The following MMS22L variants were observed in gnomAD, a reference collection of about 807,000 sequenced individuals.
The protein encoded by MMS22L is MMS22 like, DNA repair protein.
MMS22L carries 74 observed loss-of-function variants against 159.1 expected under a neutral mutation model. That is an observed-to-expected ratio of 0.47 (90% CI 0.39 to 0.56). MMS22L has a LOEUF of 0.56. MMS22L is among the 20% of genes least tolerant of loss of function. The pLI, the probability that MMS22L is intolerant of heterozygous loss-of-function variation, is 0.00. For synonymous variants in MMS22L, 517 were observed against 506.9 expected (o/e 1.02, Z -0.27); for missense variants, 1,351 against 1,422.1 (o/e 0.95, Z 0.80).
At chr6:97,228,345 C>G (rs1334701746) in intron 14 of MMS22L, among the ~76,000 whole-genome samples, 1 of 152,100 alleles carries the variant, frequency 6.6e-6, no homozygotes, top group Non-Finnish European at 1.5e-5. Context: ...TTTTGAAAAG[C>G]TATTGTTTGA....
At chr6:97,257,828 T>C (rs951261782) in intron 9 of MMS22L, among the ~76,000 whole-genome samples, 1 of 152,198 alleles carries the variant, frequency 6.6e-6, no homozygotes, top group African/African-American at 2.4e-5. Context: ...CCTGCCACAT[T>C]TTCTGTACTA....
chr6:97,185,061 A>G (rs1488597257), intron 15 of MMS22L, among the ~76,000 whole-genome samples: 1 of 152,016 alleles, frequency 6.6e-6, no homozygotes, highest in Non-Finnish European at 1.5e-5. Flanking sequence ...ATGGTCTCTC[A>G]TCTCCTTCAG....
intron 10 of MMS22L, among the ~76,000 whole-genome samples, chr6:97,252,456 C>A (rs1813340224): frequency 6.6e-6 from 1 of 151,814 alleles, no homozygotes; most frequent in African/African-American, 2.4e-5. Context: ...ACCAGCCTGG[C>A]CAACATGGTG....
chr6:97,282,782 G>C (rs1377317407), intron 1 of MMS22L, among the ~76,000 whole-genome samples: 2 of 152,208 alleles, frequency 1.3e-5, no homozygotes, highest in African/African-American at 4.8e-5. Flanking sequence ...CTGCAGCCCA[G>C]GACAAGGTGA....
At chr6:97,240,125 C>G (rs1038932095) in intron 11 of MMS22L, among the ~76,000 whole-genome samples, 4 of 152,182 alleles carry the variant, frequency 2.6e-5, no homozygotes, top group Non-Finnish European at 5.9e-5. Context: ...ACTGACAGTT[C>G]TATCCAAATA....
chr6:97,257,996 AT>A (rs1273281111), intron 9 of MMS22L, among the ~76,000 whole-genome samples: 1 of 152,086 alleles, frequency 6.6e-6, no homozygotes, highest in Admixed American at 6.6e-5. Context: ...TCAAATGGTG[AT>A]TTTCTAATTC....
intron 22 of MMS22L, among the ~76,000 whole-genome samples, chr6:97,159,811 C>G (rs932832947): frequency 4.0e-5 from 6 of 151,792 alleles, no homozygotes; most frequent in African/African-American, 1.5e-4. Context: ...GACTTGAGTC[C>G]TGCTGCTAAG....
chr6:97,157,310 G>A (rs888359495), intron 22 of MMS22L, among the ~76,000 whole-genome samples: 1 of 151,982 alleles, frequency 6.6e-6, no homozygotes, highest in African/African-American at 2.4e-5. Context: ...TACGCTTTAT[G>A]GCTTTCTCTT....
intron 24 of MMS22L, 72 bp downstream of exon 24, chr6:97,149,781 T>C: frequency 7.2e-7 from 1 of 1,393,396 alleles, no homozygotes; most frequent in Non-Finnish European, 9.5e-7. Flanking sequence ...AGAAAATAAA[T>C]CATTTCTATA....
intron 9 of MMS22L, among the ~76,000 whole-genome samples, chr6:97,256,550 G>A (rs762295576): frequency 2.6e-5 from 4 of 152,096 alleles, no homozygotes; most frequent in Non-Finnish European, 5.9e-5. Context: ...ATATTAATAG[G>A]TAAAGAATTT....
At chr6:97,278,940 T>G in intron 3 of MMS22L, 42 bp from the exon 4 acceptor site, 2 of 1,544,174 alleles carry the variant, frequency 1.3e-6, no homozygotes, top group Non-Finnish European at 1.8e-6. Flanking sequence ...TTTAGAACAC[T>G]TTAAAGCATG....
chr6:97,179,076 C>T (rs1009698200), intron 17 of MMS22L, among the ~76,000 whole-genome samples: 3 of 152,058 alleles, frequency 2.0e-5, no homozygotes, highest in Non-Finnish European at 4.4e-5. Context: ...TATCTGGTTA[C>T]TCGCTTCAGA....
chr6:97,269,311 T>C (rs1383714482), intron 7 of MMS22L, among the ~76,000 whole-genome samples: 1 of 152,100 alleles, frequency 6.6e-6, no homozygotes, highest in East Asian at 1.9e-4. Flanking sequence ...AGTTAATGCC[T>C]ATATATCAGC....
intron 9 of MMS22L, chr6:97,259,940 G>A (rs1272888865): frequency 6.6e-6 from 1 of 152,106 alleles, no homozygotes; most frequent in African/African-American, 2.4e-5. Context: ...GATTGCTAGG[G>A]TCAAAGTTAC....
chr6:97,270,287 C>A (rs1439881989), intron 6 of MMS22L: 2 of 530,306 alleles, frequency 3.8e-6, no homozygotes, highest in African/African-American at 3.8e-5. Context: ...ACTACAGCTG[C>A]AAGGCAGTAA....
chr6:97,151,520 G>C (rs1801313489), intron 23 of MMS22L: 1 of 412,212 alleles, frequency 2.4e-6, no homozygotes, highest in South Asian at 2.4e-5. Context: ...ACACATGACT[G>C]TTCATGCAAG....
intron 14 of MMS22L, among the ~76,000 whole-genome samples, chr6:97,204,738 T>C (rs6931590): frequency 7.0e-6 from 1 of 142,900 alleles, no homozygotes; most frequent in Admixed American, 7.5e-5. Context: ...TAGGCTGCAG[T>C]GAGCCATGAT....
At chr6:97,162,208 A>G in intron 21 of MMS22L, 43 bp from the exon 22 acceptor site, 1 of 1,544,780 alleles carries the variant, frequency 6.5e-7, no homozygotes, top group Non-Finnish European at 8.7e-7. Flanking sequence ...TTAAAGCTTC[A>G]ATAGAGCAAG....
intron 8 of MMS22L, chr6:97,267,124 A>C (rs528236293): frequency 6.6e-6 from 1 of 152,328 alleles, no homozygotes; most frequent in East Asian, 1.9e-4. Flanking sequence ...AAAAATAAAT[A>C]AATATTTAAA....
Sources: gnomAD v4.1 joint callset for allele counts (sites outside exome capture counted in the v4.1 genomes callset) on GRCh38, gnomAD v4.1.1 for gene constraint, MANE v1.5 for transcripts, NCBI Gene and HGNC (gene_info 2026-07-23, HGNC 2026-07-21) for gene names.